RASGRP3: variants seen among roughly 807,000 people sequenced by gnomAD.
The protein encoded by RASGRP3 is ras guanyl-releasing protein 3.
In RASGRP3, 54 loss-of-function variants were observed where a neutral mutation model predicts 82.7. The ratio of observed to expected loss-of-function variants is 0.65; its 90% CI spans 0.52 to 0.82. The LOEUF (loss-of-function observed/expected upper bound fraction) is 0.82. RASGRP3 is among the 40% of genes least tolerant of loss of function. The pLI, the probability that RASGRP3 is intolerant of heterozygous loss-of-function variation, is 0.00. For missense variants in RASGRP3, 861 were observed against 828.9 expected (o/e 1.04, Z -0.48); for synonymous variants, 309 against 300.5 (o/e 1.03, Z -0.29).
intron 2 of RASGRP3, among the ~76,000 whole-genome samples, chr2:33,464,652 C>T (rs562165702): frequency 1.3e-5 from 2 of 151,970 alleles, no homozygotes; most frequent in East Asian, 1.9e-4. Flanking sequence ...TCTTTTCTTA[C>T]ATTTTGAAGA....
chr2:33,438,408 C>A (rs1263489178), intron 1 of RASGRP3, among the ~76,000 whole-genome samples: 1 of 151,932 alleles, frequency 6.6e-6, no homozygotes, highest in African/African-American at 2.4e-5. Context: ...ACTAAATATA[C>A]AAAATTAGCT....
intron 11 of RASGRP3, among the ~76,000 whole-genome samples, chr2:33,538,716 G>A (rs145986167): frequency 8.9e-4 from 135 of 152,074 alleles, no homozygotes; most frequent in African/African-American, 3.1e-3. Context: ...CAGTGTCCCT[G>A]GTCCTAGTTG....
At chr2:33,555,859 A>T (rs1039982914) in intron 15 of RASGRP3, among the ~76,000 whole-genome samples, 4 of 152,214 alleles carry the variant, frequency 2.6e-5, no homozygotes, top group African/African-American at 7.2e-5. Flanking sequence ...AGCCTAGCTA[A>T]AATACTGAAT....
intron 7 of RASGRP3, among the ~76,000 whole-genome samples, chr2:33,523,616 C>T (rs986570127): frequency 6.6e-6 from 1 of 152,098 alleles, no homozygotes; most frequent in African/African-American, 2.4e-5. Flanking sequence ...AACTTTGAAT[C>T]TTGCCTCTTT....
intron 2 of RASGRP3, among the ~76,000 whole-genome samples, chr2:33,457,814 C>T (rs1267120894): frequency 6.6e-6 from 1 of 152,080 alleles, no homozygotes; most frequent in Non-Finnish European, 1.5e-5. Context: ...CACCACACTA[C>T]CTCTCCTACT....
intron 1 of RASGRP3, among the ~76,000 whole-genome samples, chr2:33,447,418 G>T (rs1233040558): frequency 2.0e-5 from 3 of 150,504 alleles, no homozygotes; most frequent in Non-Finnish European, 4.4e-5. Flanking sequence ...TCAAAGAGGT[G>T]CCCCAACCTT....
At chr2:33,482,845 T>C (rs1668058287) in intron 1 of RASGRP3, 3 of 152,100 alleles carry the variant, frequency 2.0e-5, no homozygotes, top group Admixed American at 6.5e-5. Context: ...GTGACAAGAG[T>C]CTCTCTTATA....
chr2:33,558,224 T>C lies in RASGRP3; in HGVS notation c.1593T>C (p.Asn531=). ...GGAATTTTTCAGACTGTGGAGCCAATTGTCACAAACAGTGCAAAGACCTCC... is the reference window on the plus strand; with the variant it reads ...GGAATTTTTCAGACTGTGGAGCCAACTGTCACAAACAGTGCAAAGACCTCC... ...QGYKCKDCGA[N]CHKQCKDLLV... is the part of the protein sequence containing the mutation. The change falls in exon 16 of 18, where the codon AAT becomes AAC. Residue 531 remains asparagine (N), a synonymous_variant. Transcript: ENST00000403687. 1 of 1,611,354 alleles carries C rather than the reference T, an allele frequency of 6.2e-7. No homozygotes were observed. Among genetic ancestry groups the C allele is most frequent in the East Asian group, 2.2e-5 (1 of 44,836 alleles).
chr2:33,438,025 C>A (rs1376566533), intron 1 of RASGRP3, among the ~76,000 whole-genome samples: 1 of 152,180 alleles, frequency 6.6e-6, no homozygotes, highest in African/African-American at 2.4e-5. Context: ...CTAATTACAG[C>A]AATGTTGCTT....
intron 4 of RASGRP3, 156 bp downstream of exon 4, chr2:33,516,800 C>G (rs750206611): frequency 1.5e-5 from 8 of 524,858 alleles, no homozygotes; most frequent in Non-Finnish European, 2.7e-5. Context: ...CAAAACACAT[C>G]TGGATGATAG....
In RASGRP3 at chr2:33,562,759, G is replaced by A. The variant is rs768339346; in HGVS notation, c.*22G>A. The A allele has an allele frequency of 1.5e-5, 24 of 1,612,872 alleles. No individual in the cohort carries two copies. The South Asian group carries it at 2.6e-4, about 18-fold the overall frequency. The stretch of plus-strand genomic sequence containing the variant: ...CTGACTTCAGGCTGCGGAAACTGAA[G>A]GCAATAATGTTGGCTTTTGGAAGGG... On this transcript the variant is annotated 3_prime_UTR_variant, in exon 18 of 18. Transcript: ENST00000403687.
chr2:33,563,107 A>G lies in RASGRP3; in HGVS notation c.*370A>G. Reference sequence around the variant, plus strand: ...CAGACTTCGCTTTTTTTGTGAGACTATCCTTTCAATATTTTTATAAACTTT... The same window carrying G: ...CAGACTTCGCTTTTTTTGTGAGACTGTCCTTTCAATATTTTTATAAACTTT... On this transcript the variant is annotated 3_prime_UTR_variant, in exon 18 of 18. Coordinates refer to ENST00000403687, the MANE Select transcript of RASGRP3 (RefSeq NM_001139488.2). The G allele has an allele frequency of 4.2e-6, 1 of 237,558 alleles. No individual in the cohort carries two copies. The highest frequency in any genetic ancestry group is 8.0e-6 in the Non-Finnish European group (1 of 124,458). The allele number at this position is 237,558 out of a possible 1,614,324, so 14.7% of individuals were successfully genotyped here. A position where few individuals can be genotyped will look rare whatever the true frequency, so the allele number is the denominator to read the frequency against.
chr2:33,463,836 G>C (rs911058194), intron 2 of RASGRP3, among the ~76,000 whole-genome samples: 2 of 151,306 alleles, frequency 1.3e-5, no homozygotes, highest in African/African-American at 4.8e-5. Context: ...TCCTGACCTC[G>C]TGATCCGCCT....
At chr2:33,459,213 C>T (rs956212304) in intron 2 of RASGRP3, among the ~76,000 whole-genome samples, 3 of 152,112 alleles carry the variant, frequency 2.0e-5, no homozygotes, top group Admixed American at 2.0e-4. Flanking sequence ...TGGCTCACTG[C>T]AAGCTCTGCC....
chr2:33,468,024 CTTTCTT>C (rs1666821375), intron 2 of RASGRP3, among the ~76,000 whole-genome samples: 1 of 127,520 alleles, frequency 7.8e-6, no homozygotes, highest in Non-Finnish European at 1.5e-5. Flanking sequence ...TTCTTTCTTT[CTTTCTT>C]TCTTTCTTTC....
chr2:33,441,997 T>C (rs1311709197), intron 1 of RASGRP3, among the ~76,000 whole-genome samples: 1 of 152,164 alleles, frequency 6.6e-6, no homozygotes, highest in Non-Finnish European at 1.5e-5. Context: ...TTGGAAACTA[T>C]TCATAGTAAA....
At chr2:33,543,290 G>A (rs1674442011) in intron 12 of RASGRP3, among the ~76,000 whole-genome samples, 1 of 152,102 alleles carries the variant, frequency 6.6e-6, no homozygotes, top group Non-Finnish European at 1.5e-5. Context: ...CAAAGTGCTG[G>A]GATTACAGGT....
chr2:33,456,903 TA>T (rs1666069573), intron 2 of RASGRP3, among the ~76,000 whole-genome samples: 1 of 86,308 alleles, frequency 1.2e-5, no homozygotes, highest in African/African-American at 5.8e-5. Flanking sequence ...AAGTGCTTTC[TA>T]TTTTTTTTTT....
chr2:33,540,744 C>G (rs1674218122), intron 12 of RASGRP3, among the ~76,000 whole-genome samples: 1 of 145,130 alleles, frequency 6.9e-6, no homozygotes, highest in Non-Finnish European at 1.5e-5. Flanking sequence ...GAATTTTACT[C>G]CGCAAAAAAT....
Sources: allele counts gnomAD v4.1 joint callset (sites outside exome capture counted in the v4.1 genomes callset), GRCh38; gene constraint gnomAD v4.1.1; transcripts MANE v1.5; gene names NCBI Gene and HGNC (gene_info 2026-07-23, HGNC 2026-07-21).